The following RAI1 variants were observed in gnomAD, a reference collection of about 807,000 sequenced individuals.
RAI1 encodes the protein retinoic acid-induced protein 1.
In RAI1, 9 loss-of-function variants were observed where a neutral mutation model predicts 123.8. The observed-to-expected ratio is 0.07, with a 90% CI of 0.04 to 0.13. The LOEUF (loss-of-function observed/expected upper bound fraction) is 0.13. Ranked by LOEUF, RAI1 falls within the 10% of genes least tolerant of loss-of-function variation. The pLI is 1.00. For missense variants in RAI1, 2,256 were observed against 2,545.8 expected, an observed-to-expected ratio of 0.89 and a Z score of 2.45; for synonymous variants, 1,231 against 1,127.3, an observed-to-expected ratio of 1.09 and a Z score of -1.84.
intron 1 of RAI1, among the ~76,000 whole-genome samples, chr17:17,703,694 G>C (rs1319631620): frequency 5.3e-5 from 8 of 152,310 alleles, no homozygotes; most frequent in African/African-American, 1.7e-4. Context: ...AGGCTGGAGT[G>C]CAGTGGTATG....
At chr17:17,775,904 G>A (rs1207007590) in intron 2 of RAI1, among the ~76,000 whole-genome samples, 1 of 152,242 alleles carries the variant, frequency 6.6e-6, no homozygotes, top group Non-Finnish European at 1.5e-5. Flanking sequence ...TAAGTAGACT[G>A]TGTTGTTCAA....
intron 2 of RAI1, among the ~76,000 whole-genome samples, chr17:17,779,828 G>A (rs893683531): frequency 2.0e-5 from 3 of 147,108 alleles, no homozygotes; most frequent in African/African-American, 7.6e-5. Context: ...AGGCTGGAGT[G>A]CAGTGGCGCG....
chr17:17,778,971 G>GA (rs2031458577), intron 2 of RAI1: 1 of 450,232 alleles, frequency 2.2e-6, no homozygotes, highest in Non-Finnish European at 4.5e-6. Flanking sequence ...CTGAACCGCA[G>GA]AAAGTATTCT....
intron 1 of RAI1, among the ~76,000 whole-genome samples, chr17:17,696,395 C>T (rs936762453): frequency 3.3e-5 from 5 of 152,108 alleles, no homozygotes; most frequent in Non-Finnish European, 7.3e-5. Context: ...AGTTGTCTTC[C>T]CTCAACCCCC....
At chr17:17,772,692 G>T (rs1217462245) in intron 2 of RAI1, among the ~76,000 whole-genome samples, 1 of 152,178 alleles carries the variant, frequency 6.6e-6, no homozygotes, top group Non-Finnish European at 1.5e-5. Context: ...CTCAGGTGAA[G>T]TGTCACTCCC....
Position 17,801,719 on chromosome 17 carries a change from T to C in RAI1, c.5566-2037T>C, listed in dbSNP as rs553919864. On this transcript the variant is annotated intron_variant, in intron 3 of 5. Transcript: ENST00000353383. The surrounding 1 kb of genome is among the most constrained non-coding windows in gnomAD (Gnocchi z 4.1). ...AGCATGGGCAGCGGGGAGGGGAGTG[T>C]TCTGACATTTCTCAGCTGCTGTGGT... Among the ~76,000 whole-genome samples, 4 of 152,260 alleles carry C rather than the reference T, an allele frequency of 2.6e-5. No homozygotes were observed. In the South Asian group the frequency reaches 6.2e-4, roughly 24 times the overall value.
In RAI1 at chr17:17,797,622, GCGA is replaced by G. The variant is rs751070255; in HGVS notation, c.4682_4684del (p.Arg1561del). ...CTTCACCCTGTAAGGGGCGTGCCAAGCGACGACGACAGCAGCAGGTGCTGCCCC... is the reference window on the plus strand; with the variant it reads ...CTTCACCCTGTAAGGGGCGTGCCAAGCGACGACAGCAGCAGGTGCTGCCCC... On this transcript the variant is annotated inframe_deletion, in exon 3 of 6. Coordinates refer to ENST00000353383, the MANE Select transcript of RAI1 (RefSeq NM_030665.4). 3.1e-5 allele frequency: 50 copies of G among 1,613,858 alleles called. No individual in the cohort carries two copies. The highest frequency in any genetic ancestry group is 1.3e-5 in the African/African-American group (1 of 74,952).
chr17:17,796,638 G>T lies in RAI1; in HGVS notation c.3690G>T (p.Ala1230=), dbSNP rs760757169. Residue 1230 remains alanine (A), a synonymous_variant, in exon 3 of 6, where the codon GCG becomes GCT. Transcript: ENST00000353383. The surrounding 1 kb of genome is among the most constrained non-coding windows in gnomAD (Gnocchi z 5.8). ...TCAAAAGGAAGTCGGCCTTCATGGC[G>T]CCGGTCCCCACCAAGAAGCGGAACC... is the stretch of plus-strand genomic sequence containing the variant. The part of the protein sequence containing the change: ...HALKRKSAFM[A]PVPTKKRNLV... The T allele has an allele frequency of 1.9e-6, 3 of 1,611,804 alleles. No homozygotes were observed. The highest frequency in any genetic ancestry group is 1.6e-4 in the Middle Eastern group (1 of 6,078).
intron 2 of RAI1, among the ~76,000 whole-genome samples, chr17:17,730,698 A>T (rs575607872): frequency 3.9e-5 from 6 of 152,186 alleles, no homozygotes; most frequent in Admixed American, 3.3e-4. Context: ...CCCAGAGGGG[A>T]GCTCCCCTGC....
At chr17:17,786,519 C>T (rs912354261) in intron 2 of RAI1, among the ~76,000 whole-genome samples, 7 of 152,096 alleles carry the variant, frequency 4.6e-5, no homozygotes, top group African/African-American at 1.7e-4. Context: ...AAACAGTGGT[C>T]AGGGAAGGCT....
chr17:17,742,399 AG>A (rs1180875084), intron 2 of RAI1, among the ~76,000 whole-genome samples: 1 of 152,202 alleles, frequency 6.6e-6, no homozygotes, highest in African/African-American at 2.4e-5. Context: ...AGTTGCTCAG[AG>A]GGTCAGATCT....
chr17:17,795,339 C>A lies in RAI1; in HGVS notation c.2391C>A (p.Asp797Glu), dbSNP rs1255770587. 6.2e-7 allele frequency: 1 copy of A among 1,601,564 alleles called. No individual in the cohort carries two copies. The highest frequency in any genetic ancestry group is 1.3e-5 in the African/African-American group (1 of 74,636). Residue 797 changes from aspartate (D) to glutamate (E), a missense_variant, in exon 3 of 6, where the codon GAC (aspartate) becomes GAA (glutamate). Physicochemically the swap from Asp to Glu is conservative, Grantham distance 45 (BLOSUM62 2). This residue lies in a region of RAI1 where 566 missense variants were observed against 616.0 expected (regional missense o/e 0.92). Transcript: ENST00000353383. This position sits in a 1 kb window ranked among gnomAD's most constrained non-coding sequence, Gnocchi z 5.9. The part of the protein sequence containing the change: ...ASACLGFQEE[D>E]PPGEKVASLP... ...CCTGCCTGGGCTTCCAGGAGGAGGA[C>A]CCCCCTGGGGAGAAGGTGGCCTCGT...
At chr17:17,776,642 C>T (rs1450375469) in intron 2 of RAI1, 2 of 149,102 alleles carry the variant, frequency 1.3e-5, no homozygotes, top group Admixed American at 6.7e-5. Flanking sequence ...AGGCATGAGC[C>T]ACCGTGCCTG....
chr17:17,795,112 A>G lies in RAI1; in HGVS notation c.2164A>G (p.Thr722Ala). ...PTLGVPAPDPTTAAFDCFPDT... is the reference protein window; with the variant it reads ...PTLGVPAPDPATAAFDCFPDT... ...CCTTGGGGTTCCTGCTCCAGACCCC[A>G]CTACAGCAGCTTTTGACTGTTTCCC... The change falls in exon 3 of 6, where the codon ACT (threonine) becomes GCT (alanine). Residue 722 changes from threonine (T) to alanine (A), a missense_variant. Physicochemically the swap from Thr to Ala is moderately conservative, Grantham distance 58. Transcript: ENST00000353383. This position sits in a 1 kb window ranked among gnomAD's most constrained non-coding sequence, Gnocchi z 5.9. 5 of 1,614,014 alleles carry G rather than the reference A, an allele frequency of 3.1e-6. No homozygotes were observed. Among genetic ancestry groups the G allele is most frequent in the Non-Finnish European group, 3.4e-6 (4 of 1,180,000 alleles).
At chr17:17,709,024 A>G (rs1182689250) in intron 1 of RAI1, among the ~76,000 whole-genome samples, 1 of 152,116 alleles carries the variant, frequency 6.6e-6, no homozygotes, top group African/African-American at 2.4e-5. Flanking sequence ...CGCTTTACAG[A>G]TGGGAAGACT....
chr17:17,705,184 G>A lies in RAI1; in HGVS notation c.-148-18844G>A, dbSNP rs1047805112. On this transcript the variant is annotated intron_variant, in intron 1 of 5. Transcript: ENST00000353383. Reference sequence around the variant, plus strand: ...TCATCATCACTCAAGCCTGTCCCCCGGCCAGGGGTCCATCCAGGAGAACAA... The same window carrying A: ...TCATCATCACTCAAGCCTGTCCCCCAGCCAGGGGTCCATCCAGGAGAACAA... 9.9e-5 allele frequency among the ~76,000 whole-genome samples: 15 copies of A among 152,242 alleles called. No individual in the cohort carries two copies. In the East Asian group the frequency reaches 2.7e-3, roughly 27 times the overall value.
rs1274338615 is a variant in RAI1, at chr17:17,809,245, G to A, written c.5660-145G>A. 3.8e-6 allele frequency: 3 copies of A among 794,836 alleles called. No individual in the cohort carries two copies. Among genetic ancestry groups the A allele is most frequent in the Non-Finnish European group, 6.7e-6 (3 of 448,726 alleles). The allele number at this position is 794,836 out of a possible 1,614,324, so 49.2% of individuals were successfully genotyped here. On this transcript the variant is annotated intron_variant, in intron 4 of 5. Transcript: ENST00000353383. This position sits in a 1 kb window ranked among gnomAD's most constrained non-coding sequence, Gnocchi z 4.9. ...TGGAGTGGAGTGTGGAGGGTTTTGT[G>A]CAGAATCTGATTAACTCTTTGAAAA...
At chr17:17,739,302 G>C (rs1463542899) in intron 2 of RAI1, among the ~76,000 whole-genome samples, 1 of 152,180 alleles carries the variant, frequency 6.6e-6, no homozygotes, top group Admixed American at 6.5e-5. Flanking sequence ...GCCCTCCAAG[G>C]AGGGGAAGAC....
intron 4 of RAI1, among the ~76,000 whole-genome samples, chr17:17,807,411 C>T (rs1299212998): frequency 6.6e-6 from 1 of 152,170 alleles, no homozygotes; most frequent in Non-Finnish European, 1.5e-5. Context: ...CTGCACTGCG[C>T]TGTCCTGGCC....
Sources: allele counts gnomAD v4.1 joint callset (sites outside exome capture counted in the v4.1 genomes callset), GRCh38; gene constraint gnomAD v4.1.1; regional missense constraint gnomAD v4.1.1; non-coding constraint Gnocchi (gnomAD v3.1); transcripts MANE v1.5; gene names NCBI Gene and HGNC (gene_info 2026-07-23, HGNC 2026-07-21).